NLGN4X: variants seen among roughly 807,000 people sequenced by gnomAD.
NLGN4X encodes the protein neuroligin 4 X-linked.
NLGN4X carries 3 observed loss-of-function variants against 40.3 expected under a neutral mutation model. The observed-to-expected ratio is 0.07, with a 90% CI of 0.03 to 0.19. NLGN4X has a LOEUF of 0.19. NLGN4X is among the 10% of genes least tolerant of loss of function. NLGN4X has a pLI of 1.00. For synonymous variants in NLGN4X, 270 were observed against 306.8 expected, an observed-to-expected ratio of 0.88 and a Z score of 1.25; for missense variants, 382 against 708.3, an observed-to-expected ratio of 0.54 and a Z score of 5.23.
chrX:6,122,526 G>A (rs188703294), intron 2 of NLGN4X, among the ~76,000 whole-genome samples: 236 of 110,399 alleles, frequency 2.1e-3, no homozygotes, highest in African/African-American at 7.2e-3. Context: ...GAGCCACCGC[G>A]CCAGGCAGAG....
intron 3 of NLGN4X, among the ~76,000 whole-genome samples, chrX:5,915,319 T>C (rs774712998): frequency 1.8e-5 from 2 of 112,020 alleles, no homozygotes; most frequent in Non-Finnish European, 3.8e-5. Context: ...TTATCTAGAA[T>C]TAAGCTGCAT....
At chrX:6,155,850 T>C (rs2040251780) in intron 1 of NLGN4X, among the ~76,000 whole-genome samples, 1 of 111,949 alleles carries the variant, frequency 8.9e-6, no homozygotes, top group Non-Finnish European at 1.9e-5. Flanking sequence ...TGAGATACCA[T>C]CTCACACTAG....
At chrX:5,991,439 G>A in intron 3 of NLGN4X, 1 of 518,952 alleles carries the variant, frequency 1.9e-6, no homozygotes, top group Non-Finnish European at 3.5e-6. Flanking sequence ...TTTCTGAAAG[G>A]GGATGCTGAC....
rs146283919 is a variant in NLGN4X at position 6,193,869 on chromosome X, T to G, written c.-306+34672A>C. On this transcript the variant is annotated intron_variant, in intron 1 of 5. Transcript: ENST00000381095. The stretch of plus-strand genomic sequence containing the variant: ...CTGTATTTCTCCATTAGATATAACT[T>G]GTTTAATAAAAGAAATCTGCAAAAT... Among the ~76,000 whole-genome samples the G allele has an allele frequency of 5.6e-3, 634 of 112,358 alleles. 1 individual carries two copies. The highest frequency in any genetic ancestry group is 9.6e-3 in the Non-Finnish European group (511 of 53,280).
At position 6,144,384 on chromosome X, in the gene NLGN4X, G is replaced by A. The variant is rs745753447; in HGVS notation, c.472+6611C>T. ...TATGAATTTCAAATAATATTACAGG[G>A]TGATAAAACTCTTCCTTAGTTTTCT... On this transcript the variant is annotated intron_variant, in intron 2 of 5. Transcript: ENST00000381095. 3.6e-5 allele frequency among the ~76,000 whole-genome samples: 4 copies of A among 111,117 alleles called. 1 individual carries two copies. In the South Asian group the frequency reaches 1.5e-3, roughly 43 times the overall value.
chrX:6,185,568 TC>T (rs1921934715), intron 1 of NLGN4X, among the ~76,000 whole-genome samples: 1 of 111,972 alleles, frequency 8.9e-6, no homozygotes, highest in African/African-American at 3.3e-5. Context: ...GAATTACTTC[TC>T]TCTCAAAAAT....
chrX:5,948,381 A>G (rs1295918975), intron 3 of NLGN4X, among the ~76,000 whole-genome samples: 1 of 112,624 alleles, frequency 8.9e-6, no homozygotes, highest in East Asian at 2.8e-4. Context: ...AAATTATACT[A>G]TAGTAAGATT....
At position 5,891,677 on chromosome X, in the gene NLGN4X, G is replaced by A. The variant is rs984222942; in HGVS notation, c.*1140C>T. Reference sequence around the variant, plus strand: ...ATTCAAAGGGCCAGAGCTACAGAACGGGACTTGTATTTTTGTTTCTCCCTA... The same window carrying A: ...ATTCAAAGGGCCAGAGCTACAGAACAGGACTTGTATTTTTGTTTCTCCCTA... On this transcript the variant is annotated 3_prime_UTR_variant, in exon 6 of 6. Transcript: ENST00000381095. 3.1e-5 allele frequency: 6 copies of A among 192,980 alleles called. No individual in the cohort carries two copies. Among genetic ancestry groups the A allele is most frequent in the South Asian group, 8.0e-5 (1 of 12,501 alleles). The allele number at this position is 192,980 out of a possible 1,213,427, so 15.9% of individuals were successfully genotyped here. A position where few individuals can be genotyped will look rare whatever the true frequency, so the allele number is the denominator to read the frequency against.
At chrX:6,120,435 T>A (rs1319851648) in intron 2 of NLGN4X, among the ~76,000 whole-genome samples, 1 of 111,809 alleles carries the variant, frequency 8.9e-6, no homozygotes, top group African/African-American at 3.3e-5. Context: ...CAGCTCATTA[T>A]GATAAATGAA....
chrX:6,052,934 G>A (rs759411335), intron 2 of NLGN4X, among the ~76,000 whole-genome samples: 190 of 112,130 alleles, frequency 1.7e-3, no homozygotes, highest in African/African-American at 5.8e-3. Flanking sequence ...TCTCTGGTGT[G>A]AAAAAGAATG....
At chrX:6,218,848 G>A (rs1284251976) in intron 1 of NLGN4X, among the ~76,000 whole-genome samples, 1 of 111,227 alleles carries the variant, frequency 9.0e-6, no homozygotes, top group Non-Finnish European at 1.9e-5. Context: ...CGTCACAGCT[G>A]CTAAACCCAT....
intron 2 of NLGN4X, among the ~76,000 whole-genome samples, chrX:6,146,391 G>T (rs2040046741): frequency 8.9e-6 from 1 of 112,027 alleles, no homozygotes; most frequent in Admixed American, 9.5e-5. Flanking sequence ...AAAATAGCCT[G>T]TCCCTGAGCT....
At chrX:6,088,559 C>A (rs1037257060) in intron 2 of NLGN4X, among the ~76,000 whole-genome samples, 3 of 111,879 alleles carry the variant, frequency 2.7e-5, no homozygotes, top group African/African-American at 9.7e-5. Flanking sequence ...AAATCTCTAT[C>A]ACCATTTTAA....
chrX:5,929,255 G>C (rs1451678385), intron 3 of NLGN4X, among the ~76,000 whole-genome samples: 3 of 111,283 alleles, frequency 2.7e-5, no homozygotes, highest in African/African-American at 9.8e-5. Context: ...CTGAGGTCAG[G>C]AGTTCGAGAC....
chrX:6,030,253 A>T (rs900020552), intron 2 of NLGN4X, among the ~76,000 whole-genome samples: 1 of 111,638 alleles, frequency 9.0e-6, no homozygotes, highest in African/African-American at 3.2e-5. Flanking sequence ...AAAAACAATG[A>T]TCTGTGATGA....
intron 1 of NLGN4X, among the ~76,000 whole-genome samples, chrX:6,198,245 A>G (rs1923298952): frequency 9.0e-6 from 1 of 111,516 alleles, no homozygotes; most frequent in African/African-American, 3.3e-5. Flanking sequence ...TAAGTTCATC[A>G]TTACAACTAA....
intron 2 of NLGN4X, among the ~76,000 whole-genome samples, chrX:6,148,803 C>T (rs1269697265): frequency 9.0e-6 from 1 of 111,718 alleles, no homozygotes; most frequent in African/African-American, 3.3e-5. Flanking sequence ...CGTGAGCCAC[C>T]GCGCCTGGCC....
At chrX:6,001,173 C>A (rs2035961180) in intron 3 of NLGN4X, among the ~76,000 whole-genome samples, 1 of 111,432 alleles carries the variant, frequency 9.0e-6, no homozygotes, top group African/African-American at 3.3e-5. Context: ...CCCACTGGCT[C>A]CCTCCCATGA....
At chrX:6,018,060 A>G (rs2147179436) in intron 3 of NLGN4X, among the ~76,000 whole-genome samples, 1 of 111,704 alleles carries the variant, frequency 9.0e-6, no homozygotes, top group Admixed American at 9.5e-5. Context: ...GCATGTATAC[A>G]TATATAGACA....
Sources: gnomAD v4.1 joint callset for allele counts (sites outside exome capture counted in the v4.1 genomes callset) on GRCh38, gnomAD v4.1.1 for gene constraint, MANE v1.5 for transcripts, NCBI Gene and HGNC (gene_info 2026-07-23, HGNC 2026-07-21) for gene names.